Variants in TACC2 observed in about 807,000 individuals in gnomAD.
TACC2 encodes the protein transforming acidic coiled-coil-containing protein 2.
A neutral mutation model predicts 227.3 loss-of-function variants in TACC2; 137 were observed. The ratio of observed to expected loss-of-function variants is 0.60; its 90% CI spans 0.52 to 0.69. The LOEUF is 0.69. TACC2 is among the 30% of genes least tolerant of loss of function. The pLI, the probability that TACC2 is intolerant of heterozygous loss-of-function variation, is 0.00. For missense variants in TACC2, 3,470 were observed against 3,694.4 expected, an observed-to-expected ratio of 0.94 and a Z score of 1.57; for synonymous variants, 1,523 against 1,487.5, an observed-to-expected ratio of 1.02 and a Z score of -0.55.
At chr10:122,020,265 G>T (rs964319420) in intron 1 of TACC2, among the ~76,000 whole-genome samples, 1 of 152,180 alleles carries the variant, frequency 6.6e-6, no homozygotes, top group East Asian at 1.9e-4. Context: ...AAATGGAAGT[G>T]ATTAATTTTA....
At chr10:122,101,599 G>A (rs145372668) in intron 5 of TACC2, among the ~76,000 whole-genome samples, 6,056 of 118,366 alleles carry the variant, frequency 0.051, 265 homozygotes, top group African/African-American at 0.13. Flanking sequence ...TTGCTCTGTC[G>A]CCCAGGCTGG....
chr10:122,043,811 C>T (rs919260498), intron 2 of TACC2, among the ~76,000 whole-genome samples: 7 of 152,126 alleles, frequency 4.6e-5, no homozygotes, highest in Admixed American at 3.3e-4. Flanking sequence ...AACTCCTGAC[C>T]GCAAGTGATC....
intron 7 of TACC2, among the ~76,000 whole-genome samples, chr10:122,181,538 A>T (rs562677165): frequency 6.6e-6 from 1 of 152,330 alleles, no homozygotes; most frequent in Admixed American, 6.5e-5. Context: ...TGCCCATTGC[A>T]TAGACAAAGA....
At chr10:122,215,326 C>G in intron 9 of TACC2, 65 bp from the exon 10 acceptor site, 1 of 1,450,672 alleles carries the variant, frequency 6.9e-7, no homozygotes, top group South Asian at 1.1e-5. Flanking sequence ...TCGGTCCGCT[C>G]TGTACTGCTC....
chr10:122,196,955 A>G (rs2094593083), intron 8 of TACC2, among the ~76,000 whole-genome samples: 1 of 150,554 alleles, frequency 6.6e-6, no homozygotes, highest in Non-Finnish European at 1.5e-5. Flanking sequence ...AAAAAAACAA[A>G]AAAACAAAGA....
intron 9 of TACC2, among the ~76,000 whole-genome samples, chr10:122,214,736 G>A (rs185280758): frequency 6.6e-6 from 1 of 152,198 alleles, no homozygotes; most frequent in East Asian, 1.9e-4. Flanking sequence ...TCATATGGAG[G>A]AGAAAAAGGG....
At position 122,050,822 on chromosome 10, in the gene TACC2, T is replaced by C; in HGVS notation, c.146+272T>C. 1 of 421,992 alleles carries C rather than the reference T, an allele frequency of 2.4e-6. No homozygotes were observed. 26.1% of individuals were successfully genotyped at this position (421,992 alleles called of 1,614,324 possible). The stretch of plus-strand genomic sequence containing the variant: ...CAGCCACACTCCAGAGTATCTTCAT[T>C]GTCAGAACTTAAAATGGAAAACATC... On this transcript the variant is annotated intron_variant, in intron 3 of 22. Coordinates refer to ENST00000369005, the MANE Select transcript of TACC2 (RefSeq NM_206862.4). The surrounding 1 kb of genome is among the most constrained non-coding windows in gnomAD (Gnocchi z 4.6).
intron 2 of TACC2, among the ~76,000 whole-genome samples, chr10:122,035,214 G>A (rs755443732): frequency 3.3e-5 from 5 of 152,168 alleles, no homozygotes; most frequent in Non-Finnish European, 5.9e-5. Flanking sequence ...AAGCTCCCAC[G>A]TCGTGATGTG....
chr10:122,098,105 G>A (rs1172989110), intron 5 of TACC2, among the ~76,000 whole-genome samples: 1 of 152,186 alleles, frequency 6.6e-6, no homozygotes, highest in East Asian at 1.9e-4. Flanking sequence ...TCCCAGCCCA[G>A]GGCCCAGCAC....
chr10:121,997,953 C>T (rs572141385), intron 1 of TACC2, among the ~76,000 whole-genome samples: 2 of 152,070 alleles, frequency 1.3e-5, no homozygotes, highest in South Asian at 2.1e-4. Context: ...AAGGCAGGCA[C>T]GAAGACCAAG....
chr10:122,182,471 G>A (rs2094003726), intron 7 of TACC2, among the ~76,000 whole-genome samples: 1 of 152,202 alleles, frequency 6.6e-6, no homozygotes, highest in Non-Finnish European at 1.5e-5. Context: ...CAAACTGCAT[G>A]TAAGGTGTGT....
intron 11 of TACC2, among the ~76,000 whole-genome samples, chr10:122,218,243 G>T (rs911459610): frequency 1.3e-5 from 2 of 152,202 alleles, no homozygotes; most frequent in Middle Eastern, 3.4e-3. Context: ...GCGCCTGACC[G>T]ATTTCTAACA....
intron 1 of TACC2, among the ~76,000 whole-genome samples, chr10:122,009,864 TGCAGTGA>T (rs1437509395): frequency 1.3e-5 from 2 of 152,128 alleles, no homozygotes; most frequent in Admixed American, 1.3e-4. Context: ...AGGCGGAGGT[TGCAGTGA>T]GCCAAGATTG....
At chr10:122,071,490 T>C (rs757021625) in intron 3 of TACC2, among the ~76,000 whole-genome samples, 6 of 152,056 alleles carry the variant, frequency 3.9e-5, no homozygotes, top group Admixed American at 6.6e-5. Flanking sequence ...CGAATTTTCT[T>C]TGAAATTCAG....
Position 122,194,491 on chromosome 10 carries a change from C to T in TACC2, c.5835-549C>T, listed in dbSNP as rs1180987952. 1.3e-5 allele frequency among the ~76,000 whole-genome samples: 2 copies of T among 152,220 alleles called. No homozygotes were observed. Among genetic ancestry groups the T allele is most frequent in the African/African-American group, 4.8e-5 (2 of 41,462 alleles). ...TCACCCACTCAACACATGTTCATTC[C>T]CGGCCCTCCACTGTAGGCTTGGAGA... On this transcript the variant is annotated intron_variant, in intron 7 of 22. Coordinates refer to ENST00000369005, the MANE Select transcript of TACC2 (RefSeq NM_206862.4). The surrounding 1 kb of genome is among the most constrained non-coding windows in gnomAD (Gnocchi z 4.4).
chr10:122,145,371 T>C (rs972043717), intron 7 of TACC2, among the ~76,000 whole-genome samples: 6 of 151,148 alleles, frequency 4.0e-5, no homozygotes, highest in Non-Finnish European at 7.4e-5. Flanking sequence ...GCAACTAAAT[T>C]GATGAATCGC....
intron 2 of TACC2, 133 bp downstream of exon 2, chr10:122,022,147 A>G (rs1957412977): frequency 2.5e-6 from 2 of 797,992 alleles, no homozygotes; most frequent in Non-Finnish European, 4.2e-6. Flanking sequence ...GTGTGCGGGC[A>G]TTTATGGATC....
chr10:122,220,355 C>G (rs966363105), intron 11 of TACC2, among the ~76,000 whole-genome samples: 1 of 152,032 alleles, frequency 6.6e-6, no homozygotes, highest in Admixed American at 6.6e-5. Flanking sequence ...AAACCCATTA[C>G]CTTAGAAAAT....
At chr10:122,094,048 C>A (rs2420996) in intron 5 of TACC2, among the ~76,000 whole-genome samples, 144,138 of 152,190 alleles carry the variant, frequency 0.95, 68,762 homozygotes, top group East Asian at 1. Context: ...CAAGGAGCTC[C>A]TTATGTGAAA....
Sources: allele counts gnomAD v4.1 joint callset (sites outside exome capture counted in the v4.1 genomes callset), GRCh38; gene constraint gnomAD v4.1.1; non-coding constraint Gnocchi (gnomAD v3.1); transcripts MANE v1.5; gene names NCBI Gene and HGNC (gene_info 2026-07-23, HGNC 2026-07-21).